MLIP: variants seen among roughly 807,000 people sequenced by gnomAD.
MLIP encodes muscular LMNA-interacting protein.
Under a neutral mutation model 84.8 loss-of-function variants are expected in MLIP, and 79 were observed. That is an observed-to-expected ratio of 0.93 (90% confidence interval 0.78 to 1.12). The LOEUF (loss-of-function observed/expected upper bound fraction) is 1.12, where lower values mean the gene tolerates loss of function less well. Among genes scored for constraint, MLIP ranks in the 50% most tolerant of loss-of-function variants. The pLI, the probability that MLIP is intolerant of heterozygous loss-of-function variation, is 0.00. For synonymous variants in MLIP, 504 were observed against 463.0 expected (o/e 1.09, Z -1.14); for missense variants, 1,257 against 1,160.6 (o/e 1.08, Z -1.21).
chr6:54,110,781 C>T (rs548384029), upstream of MLIP, among the ~76,000 whole-genome samples: 1 of 152,304 alleles, frequency 6.6e-6, no homozygotes, highest in South Asian at 2.1e-4. Context: ...CAATCAATTT[C>T]ACATATGAAG....
intron 1 of MLIP, among the ~76,000 whole-genome samples, chr6:54,053,636 G>T (rs189616568): frequency 6.6e-6 from 1 of 152,276 alleles, no homozygotes; most frequent in Non-Finnish European, 1.5e-5. Flanking sequence ...GTGACTGTGG[G>T]CAAGTAACTG....
intron 9 of MLIP, among the ~76,000 whole-genome samples, chr6:54,189,000 T>C (rs930802482): frequency 2.6e-5 from 4 of 152,210 alleles, no homozygotes; most frequent in Admixed American, 1.3e-4. Context: ...CCAGTTGGAC[T>C]GTCACTCAAG....
At chr6:54,158,871 T>TA (rs11363736) in intron 5 of MLIP, among the ~76,000 whole-genome samples, 2,465 of 150,794 alleles carry the variant, frequency 0.016, 69 homozygotes, top group African/African-American at 0.056. Flanking sequence ...AGAAGTATGA[T>TA]AAAAAAAAAA....
Position 54,134,002 on chromosome 6 carries a change from GA to G in MLIP, c.646-2709del, listed in dbSNP as rs1200457848. Among the ~76,000 whole-genome samples, 3 of 147,806 alleles carry G rather than the reference GA, an allele frequency of 2.0e-5. No homozygotes were observed. In the East Asian group the frequency reaches 5.8e-4, roughly 28 times the overall value. ...GATGAGGTAAGAAATAAATGGTAAA[GA>G]AAACCTAGAACAGCCTTGAGGGAGA... On this transcript the variant is annotated intron_variant, in intron 3 of 13. Transcript: ENST00000502396.
At chr6:54,202,281 A>T (rs1778740737) in intron 11 of MLIP, 48 bp downstream of exon 11, 4 of 818,740 alleles carry the variant, frequency 4.9e-6, no homozygotes, top group Non-Finnish European at 6.1e-6. Flanking sequence ...AAATATAAAT[A>T]TATATAAAAT....
intron 11 of MLIP, among the ~76,000 whole-genome samples, chr6:54,213,332 A>G (rs1224973240): frequency 6.6e-6 from 1 of 152,254 alleles, no homozygotes; most frequent in Admixed American, 6.5e-5. Context: ...CTTAAGCATG[A>G]ACAATATAAA....
In MLIP at chr6:54,223,399, T is replaced by C. The variant is rs1215949454; in HGVS notation, c.2719-7315T>C. ...TACAGTTTTGAATCTTATGTTTATG[T>C]GTTTAATCCATTTTGAGTTGATTTT... is the stretch of plus-strand genomic sequence containing the variant. On this transcript the variant is annotated intron_variant, in intron 11 of 13. Transcript: ENST00000502396. Among the ~76,000 whole-genome samples, 5 of 152,204 alleles carry C rather than the reference T, an allele frequency of 3.3e-5. No homozygotes were observed. The East Asian group carries it at 9.7e-4, about 29-fold the overall frequency.
At chr6:54,248,185 A>C (rs1252769221) in intron 12 of MLIP, among the ~76,000 whole-genome samples, 1 of 152,166 alleles carries the variant, frequency 6.6e-6, no homozygotes, top group Non-Finnish European at 1.5e-5. Flanking sequence ...CAGAGAGAGA[A>C]AAATATTCCA....
intron 1 of MLIP, among the ~76,000 whole-genome samples, chr6:54,035,144 A>G (rs551910692): frequency 6.6e-6 from 1 of 152,284 alleles, no homozygotes; most frequent in African/African-American, 2.4e-5. Flanking sequence ...AGTTTACTCC[A>G]TGAGGTTTAC....
chr6:54,247,734 C>T (rs931422209), intron 12 of MLIP, among the ~76,000 whole-genome samples: 2 of 152,056 alleles, frequency 1.3e-5, no homozygotes, highest in Non-Finnish European at 2.9e-5. Context: ...ACATACAGTC[C>T]TTAGCTCATC....
At position 54,202,123 on chromosome 6, in the gene MLIP, C is replaced by A. The variant is rs138048655; in HGVS notation, c.2608C>A (p.Arg870Ser). 1.1e-5 allele frequency: 17 copies of A among 1,582,844 alleles called. No homozygotes were observed. The South Asian group carries it at 1.6e-4, about 15-fold the overall frequency. ...ESQLTKPGVI[R>S]PVPVKSRILL... ...CATGAAGACTAAGCCTGGAGTAATT[C>A]GCCCAGTACCTGTAAAATCCAGAAT... The change falls in exon 11 of 14, where the codon CGC (arginine) becomes AGC (serine). Residue 870 changes from arginine (R) to serine (S), a missense_variant. Transcript: ENST00000502396.
chr6:54,217,994 T>C (rs1779966373), intron 11 of MLIP: 13 of 985,326 alleles, frequency 1.3e-5, no homozygotes, highest in Non-Finnish European at 1.6e-5. Flanking sequence ...TAGTGTGTTT[T>C]GAAGCAAATC....
At chr6:54,125,701 A>G (rs1398601862) in intron 3 of MLIP, among the ~76,000 whole-genome samples, 1 of 152,224 alleles carries the variant, frequency 6.6e-6, no homozygotes, top group Non-Finnish European at 1.5e-5. Context: ...GTGGATGCAG[A>G]GCTCTAACTT....
At chr6:54,171,415 A>T (rs1239385946) in intron 9 of MLIP, among the ~76,000 whole-genome samples, 1 of 151,562 alleles carries the variant, frequency 6.6e-6, no homozygotes, top group Non-Finnish European at 1.5e-5. Context: ...ACAACATGAC[A>T]TTTGAATTGT....
chr6:54,265,979 C>T lies in MLIP; in HGVS notation c.*24C>T. The T allele has an allele frequency of 6.2e-7, 1 of 1,611,178 alleles. No individual in the cohort carries two copies. Among genetic ancestry groups the T allele is most frequent in the East Asian group, 2.2e-5 (1 of 44,752 alleles). ...GAAGTTGGAGCAGAGGCTGAAAACACAGGCTGCTGAAGTTTTTTGGAATGC... is the reference window on the plus strand; with the variant it reads ...GAAGTTGGAGCAGAGGCTGAAAACATAGGCTGCTGAAGTTTTTTGGAATGC... On this transcript the variant is annotated 3_prime_UTR_variant, in exon 14 of 14. Transcript: ENST00000502396.
intron 1 of MLIP, among the ~76,000 whole-genome samples, chr6:54,072,451 C>T (rs149838475): frequency 3.0e-4 from 45 of 152,206 alleles, no homozygotes; most frequent in Middle Eastern, 6.8e-3. Context: ...GCATACAAAC[C>T]TGTTGGTCCT....
intron 1 of MLIP, among the ~76,000 whole-genome samples, chr6:54,119,291 G>T (rs1770228549): frequency 6.6e-6 from 1 of 152,168 alleles, no homozygotes; most frequent in Admixed American, 6.5e-5. Flanking sequence ...ATTAAACTAG[G>T]TTTCTATCAA....
At chr6:54,226,156 T>G (rs931594138) in intron 11 of MLIP, among the ~76,000 whole-genome samples, 2 of 152,222 alleles carry the variant, frequency 1.3e-5, no homozygotes, top group African/African-American at 4.8e-5. Flanking sequence ...TATCCCCAAA[T>G]TCATATTTCT....
At chr6:54,038,906 A>G (rs925383961) in intron 1 of MLIP, among the ~76,000 whole-genome samples, 3 of 151,984 alleles carry the variant, frequency 2.0e-5, no homozygotes, top group Non-Finnish European at 4.4e-5. Context: ...TACTTTTCAT[A>G]TAACGAAATT....
Sources: allele counts gnomAD v4.1 joint callset (sites outside exome capture counted in the v4.1 genomes callset), GRCh38; gene constraint gnomAD v4.1.1; transcripts MANE v1.5; gene names NCBI Gene and HGNC (gene_info 2026-07-23, HGNC 2026-07-21).